SLC4A4: variants seen among roughly 807,000 people sequenced by gnomAD.
SLC4A4 encodes solute carrier family 4 member 4.
A neutral mutation model predicts 111.5 loss-of-function variants in SLC4A4; 27 were observed. The ratio of observed to expected loss-of-function variants is 0.24; its 90% CI spans 0.18 to 0.33. The LOEUF (loss-of-function observed/expected upper bound fraction) is 0.33. Among genes scored for constraint, SLC4A4 ranks in the 10% least tolerant of loss-of-function variants. SLC4A4 has a pLI of 1.00. For synonymous variants in SLC4A4, 443 were observed against 463.4 expected (o/e 0.96, Z 0.57); for missense variants, 909 against 1,315.5 (o/e 0.69, Z 4.78).
At chr4:71,288,976 G>T (rs895086062) in intron 3 of SLC4A4, among the ~76,000 whole-genome samples, 1 of 151,986 alleles carries the variant, frequency 6.6e-6, no homozygotes, top group Non-Finnish European at 1.5e-5. Flanking sequence ...ACTTTTTGGT[G>T]GGCTGCTGGA....
chr4:71,353,208 TC>T (rs1237145879), intron 5 of SLC4A4, among the ~76,000 whole-genome samples: 2 of 152,218 alleles, frequency 1.3e-5, no homozygotes, highest in Non-Finnish European at 2.9e-5. Flanking sequence ...TTCTCTAACC[TC>T]CATGCATTTA....
chr4:71,493,024 G>C (rs560031370), intron 15 of SLC4A4, among the ~76,000 whole-genome samples: 8 of 151,854 alleles, frequency 5.3e-5, no homozygotes, highest in Non-Finnish European at 1.2e-4. Context: ...TACCTGTAAA[G>C]GTTACATTCG....
At position 71,514,111 on chromosome 4, in the gene SLC4A4, G is replaced by T. The variant is rs573075026; in HGVS notation, c.2166+16419G>T. On this transcript the variant is annotated intron_variant, in intron 16 of 25. Transcript: ENST00000264485. ...TGTATTTGTCTTTTTTTCTATTCTT[G>T]TCTGTTTTTGGTATCAGGGTGATAT... 1.2e-4 allele frequency among the ~76,000 whole-genome samples: 19 copies of T among 152,072 alleles called. No homozygotes were observed. The South Asian group carries it at 3.9e-3, about 32-fold the overall frequency.
intron 1 of SLC4A4, among the ~76,000 whole-genome samples, chr4:71,079,349 C>T (rs993491367): frequency 5.3e-5 from 8 of 152,134 alleles, no homozygotes; most frequent in Admixed American, 1.3e-4. Context: ...GCATCTGTAG[C>T]TGTAGAAGGA....
intron 1 of SLC4A4, among the ~76,000 whole-genome samples, chr4:71,087,190 C>T (rs1363845094): frequency 1.3e-5 from 2 of 152,036 alleles, no homozygotes; most frequent in East Asian, 1.9e-4. Flanking sequence ...AGTTTATTTG[C>T]ATAGAGGTGT....
chr4:71,542,404 G>A (rs1691927888), intron 18 of SLC4A4, among the ~76,000 whole-genome samples: 1 of 151,974 alleles, frequency 6.6e-6, no homozygotes, highest in Admixed American at 6.6e-5. Context: ...CTTCTAAATA[G>A]AAATCTGATT....
At position 71,356,924 on chromosome 4, in the gene SLC4A4, G is replaced by A. The variant is rs140150536; in HGVS notation, c.551-84G>A. 1,260 of 1,225,770 alleles carry A rather than the reference G, an allele frequency of 1.0e-3. 19 individuals carry two copies. In the East Asian group the frequency reaches 0.02, roughly 20 times the overall value. 75.9% of individuals were successfully genotyped at this position (1,225,770 alleles called of 1,614,324 possible). On this transcript the variant is annotated intron_variant, in intron 5 of 25. Coordinates refer to ENST00000264485, the MANE Select transcript of SLC4A4 (RefSeq NM_001098484.3). ...ACAATATCTTGCTATTAAATTTGAG[G>A]GTGACATCCATAAAGTTAGAGTAAA...
intron 16 of SLC4A4, among the ~76,000 whole-genome samples, chr4:71,501,015 G>C (rs984341845): frequency 6.6e-6 from 1 of 152,014 alleles, no homozygotes; most frequent in Non-Finnish European, 1.5e-5. Flanking sequence ...ATTTGGATAG[G>C]GTTTGCTTTG....
intron 14 of SLC4A4, among the ~76,000 whole-genome samples, chr4:71,481,445 C>A (rs548449249): frequency 6.6e-6 from 1 of 151,802 alleles, no homozygotes; most frequent in African/African-American, 2.4e-5. Context: ...GCAACAGATA[C>A]TCCCCTATGC....
At chr4:71,548,549 A>T (rs1474124005) in intron 20 of SLC4A4, among the ~76,000 whole-genome samples, 1 of 151,840 alleles carries the variant, frequency 6.6e-6, no homozygotes, top group East Asian at 1.9e-4. Flanking sequence ...AATTATTGAT[A>T]GTTTGTATCT....
intron 1 of SLC4A4, among the ~76,000 whole-genome samples, chr4:71,204,314 G>A (rs1302013691): frequency 1.3e-5 from 2 of 152,172 alleles, no homozygotes; most frequent in Non-Finnish European, 2.9e-5. Context: ...AGAATAGCAA[G>A]CATGTCTTTC....
intron 2 of SLC4A4, among the ~76,000 whole-genome samples, chr4:71,241,110 C>A (rs1720183273): frequency 6.6e-6 from 1 of 151,890 alleles, no homozygotes; most frequent in Non-Finnish European, 1.5e-5. Flanking sequence ...CAGAGTGATA[C>A]CCTGCCTCAA....
chr4:71,126,252 A>C (rs1484184540), intron 2 of SLC4A4, among the ~76,000 whole-genome samples: 1 of 152,190 alleles, frequency 6.6e-6, no homozygotes, highest in Non-Finnish European at 1.5e-5. Context: ...TCTTTGAACT[A>C]ATAAATACTA....
At chr4:71,230,319 C>T (rs980838351) in intron 1 of SLC4A4, among the ~76,000 whole-genome samples, 1 of 152,164 alleles carries the variant, frequency 6.6e-6, no homozygotes. Flanking sequence ...CTGCAGTCCT[C>T]AAGTAAAGGC....
rs747110124 is a variant in SLC4A4 at position 71,427,893 on chromosome 4, A to C, written c.808-12723A>C. Among the ~76,000 whole-genome samples the C allele has an allele frequency of 3.3e-4, 51 of 152,286 alleles. No homozygotes were observed. In the Middle Eastern group the frequency reaches 0.01, roughly 30 times the overall value. ...AGTTGGGCCTATGAAACAGACTCCG[A>C]GTAAACTTATCTAACCAGCCACATA... is the stretch of plus-strand genomic sequence containing the variant. On this transcript the variant is annotated intron_variant, in intron 7 of 25. Coordinates refer to ENST00000264485, the MANE Select transcript of SLC4A4 (RefSeq NM_001098484.3).
rs1357165045 is a variant in SLC4A4, at chr4:71,570,843, T to C, written c.*3092T>C. On this transcript the variant is annotated 3_prime_UTR_variant, in exon 26 of 26. Coordinates refer to ENST00000264485, the MANE Select transcript of SLC4A4 (RefSeq NM_001098484.3). The stretch of plus-strand genomic sequence containing the variant: ...CTTCTCTACTGTGTGAAATGAATAC[T>C]TGGAATTCTAATTGTTTTGTGTGCC... 6.6e-6 allele frequency: 1 copy of C among 151,882 alleles called. No homozygotes were observed. Among genetic ancestry groups the C allele is most frequent in the Non-Finnish European group, 1.5e-5 (1 of 67,846 alleles). 9.4% of individuals were successfully genotyped at this position (151,882 alleles called of 1,614,324 possible). A position where few individuals can be genotyped will look rare whatever the true frequency, so the allele number is the denominator to read the frequency against.
At chr4:71,148,795 C>T (rs887868137) in intron 2 of SLC4A4, among the ~76,000 whole-genome samples, 1 of 152,060 alleles carries the variant, frequency 6.6e-6, no homozygotes, top group African/African-American at 2.4e-5. Flanking sequence ...ATTCTAAATA[C>T]CCCTTGATGG....
At chr4:71,107,338 T>C (rs1223488134) in intron 2 of SLC4A4, among the ~76,000 whole-genome samples, 3 of 152,156 alleles carry the variant, frequency 2.0e-5, no homozygotes, top group East Asian at 1.9e-4. Context: ...CTGTGTTTAG[T>C]TGACTTTTTG....
In SLC4A4 at chr4:71,310,031, A is replaced by G. The variant is rs1726013257; in HGVS notation, c.254-29339A>G. Reference sequence around the variant, plus strand: ...AGAAACACAGCACGAGAACTTCGTGAAGCATATACAAGTATCCATAGCCAA... The same window carrying G: ...AGAAACACAGCACGAGAACTTCGTGGAGCATATACAAGTATCCATAGCCAA... On this transcript the variant is annotated intron_variant, in intron 3 of 25. Transcript: ENST00000264485. Among the ~76,000 whole-genome samples the G allele has an allele frequency of 3.3e-5, 5 of 152,048 alleles. No individual in the cohort carries two copies. In the South Asian group the frequency reaches 8.3e-4, roughly 25 times the overall value.
Sources: allele counts gnomAD v4.1 joint callset (sites outside exome capture counted in the v4.1 genomes callset), GRCh38; gene constraint gnomAD v4.1.1; transcripts MANE v1.5; gene names NCBI Gene and HGNC (gene_info 2026-07-23, HGNC 2026-07-21).